DMKN: variants seen among roughly 807,000 people sequenced by gnomAD.
DMKN encodes the protein epidermis-specific secreted protein SK30/SK89.
DMKN carries 58 observed loss-of-function variants against 67.6 expected under a neutral mutation model. That is an observed-to-expected ratio of 0.86 (90% CI 0.69 to 1.07). DMKN has a LOEUF of 1.07. DMKN is among the 50% of genes least tolerant of loss of function. The pLI, the probability that DMKN is intolerant of heterozygous loss-of-function variation, is 0.00. For missense variants in DMKN, 596 were observed against 601.5 expected (o/e 0.99, Z 0.10); for synonymous variants, 240 against 232.3 (o/e 1.03, Z -0.30).
At chr19:35,507,670 T>G in intron 7 of DMKN, 1 of 627,488 alleles carries the variant, frequency 1.6e-6, no homozygotes, top group South Asian at 2.0e-5. Context: ...GAGGTCCTTC[T>G]CTCGGGGAAG....
At chr19:35,508,244 C>T (rs767341480) in intron 7 of DMKN, 37 of 1,551,950 alleles carry the variant, frequency 2.4e-5, no homozygotes, top group African/African-American at 1.5e-4. Flanking sequence ...TGAAGCCCTG[C>T]AGGGTGAGAC....
chr19:35,500,215 C>T (rs1306176557), intron 12 of DMKN, 186 bp from the exon 13 acceptor site: 2 of 1,210,792 alleles, frequency 1.7e-6, no homozygotes, highest in African/African-American at 1.5e-5. Flanking sequence ...CCTCACCTGC[C>T]TTTACTGTCC....
chr19:35,506,215 A>G, intron 7 of DMKN: 1 of 1,482,392 alleles, frequency 6.7e-7, no homozygotes, highest in African/African-American at 1.4e-5. Context: ...ACCGATGTCC[A>G]AGGCTTATGC....
Position 35,513,138 on chromosome 19 carries a change from A to G in DMKN, c.338T>C (p.Ile113Thr), listed in dbSNP as rs2071088462. Residue 113 changes from isoleucine to threonine, a missense_variant, in exon 1 of 16, where the codon ATT becomes ACT. Transcript: ENST00000339686. ...AATGACATCTTCTGCCTGTCTGCCAATCTCGTGCCCAGTGTTTCCCAGAGC... is the reference window on the plus strand; with the variant it reads ...AATGACATCTTCTGCCTGTCTGCCAGTCTCGTGCCCAGTGTTTCCCAGAGC... ...AHALGNTGHE[I>T]GRQAEDVIRH... The G allele has an allele frequency of 5.6e-6, 9 of 1,614,058 alleles. No homozygotes were observed. The highest frequency in any genetic ancestry group is 1.3e-5 in the African/African-American group (1 of 74,998).
chr19:35,501,543 C>A (rs1156830760), intron 11 of DMKN, among the ~76,000 whole-genome samples: 1 of 152,186 alleles, frequency 6.6e-6, no homozygotes, highest in Non-Finnish European at 1.5e-5. Context: ...CACGTAGACA[C>A]GGGAGCAGGC....
At chr19:35,506,226 T>C in intron 7 of DMKN, 1 of 1,464,580 alleles carries the variant, frequency 6.8e-7, no homozygotes. Flanking sequence ...AGGCTTATGC[T>C]TCCTATCATG....
At chr19:35,500,303 T>C in intron 12 of DMKN, 1 of 1,517,746 alleles carries the variant, frequency 6.6e-7, no homozygotes, top group African/African-American at 1.4e-5. Context: ...CAAGTGTTAC[T>C]TGGGAGGTGA....
intron 9 of DMKN, among the ~76,000 whole-genome samples, chr19:35,503,768 G>C (rs183011372): frequency 6.6e-6 from 1 of 152,060 alleles, no homozygotes; most frequent in African/African-American, 2.4e-5. Context: ...GAGCCACCGC[G>C]CCTGGCCAGA....
At chr19:35,502,056 T>G (rs1418345813) in intron 11 of DMKN, 80 bp downstream of exon 11, 2 of 1,607,464 alleles carry the variant, frequency 1.2e-6, no homozygotes, top group Non-Finnish European at 1.7e-6. Flanking sequence ...GGGAAGAAAC[T>G]GGGACAGACA....
At chr19:35,501,744 G>C in intron 11 of DMKN, 1 of 1,414,734 alleles carries the variant, frequency 7.1e-7, no homozygotes, top group Non-Finnish European at 9.5e-7. Context: ...CACCTCAGCT[G>C]TCCTCCCCAT....
chr19:35,508,054 G>T, intron 7 of DMKN: 2 of 995,270 alleles, frequency 2.0e-6, no homozygotes, highest in Non-Finnish European at 3.0e-6. Context: ...AACATGGCCA[G>T]ACCCATCAGT....
chr19:35,505,115 C>A (rs2069198143), intron 9 of DMKN, among the ~76,000 whole-genome samples: 1 of 152,084 alleles, frequency 6.6e-6, no homozygotes, highest in Admixed American at 6.6e-5. Flanking sequence ...GGGTTGTCCA[C>A]CTGTCCTTCC....
rs1484532502 is a variant in DMKN, at chr19:35,503,243, C to T, written c.1135-357G>A. 3 of 1,454,854 alleles carry T rather than the reference C, an allele frequency of 2.1e-6. No homozygotes were observed. In the African/African-American group the frequency reaches 4.3e-5, roughly 21 times the overall value. The allele number at this position is 1,454,854 out of a possible 1,614,324, so 90.1% of individuals were successfully genotyped here. On this transcript the variant is annotated intron_variant, in intron 9 of 15. Transcript: ENST00000339686. ...TTTCCCGAAGCTGTGGGGCTGCAGC[C>T]ACCCCTTCCACACCACCCTGGATAA...
chr19:35,512,938 C>T (rs901242954), intron 1 of DMKN, 112 bp downstream of exon 1: 4 of 1,537,674 alleles, frequency 2.6e-6, no homozygotes, highest in Non-Finnish European at 2.6e-6. Context: ...AAGGAAGCTG[C>T]CCCAGAAGCC....
intron 9 of DMKN, 127 bp from the exon 10 acceptor site, chr19:35,503,013 TGA>T (rs2068694715): frequency 2.6e-6 from 3 of 1,145,694 alleles, no homozygotes; most frequent in Non-Finnish European, 3.7e-6. Flanking sequence ...TGGGAGGAGC[TGA>T]GAGTCTTTAG....
At chr19:35,507,251 G>A (rs1385095397) in intron 7 of DMKN, 16 of 496,598 alleles carry the variant, frequency 3.2e-5, no homozygotes, top group East Asian at 2.2e-4. Context: ...ACATGGCTCC[G>A]ATCCAAATCA....
At chr19:35,504,760 A>G (rs1304955588) in intron 9 of DMKN, among the ~76,000 whole-genome samples, 1 of 152,078 alleles carries the variant, frequency 6.6e-6, no homozygotes, top group Non-Finnish European at 1.5e-5. Context: ...ATTAAAGGCC[A>G]GAAACTCCAC....
In DMKN at chr19:35,509,894, G is replaced by A. The variant is rs570697438; in HGVS notation, c.1038+17C>T. ...GAACTGCAGTCCCCAGGAGACTTAA[G>A]AGACTTTGGCTCTCACCTGAATCCC... is the stretch of plus-strand genomic sequence containing the variant. On this transcript the variant is annotated intron_variant, in intron 7 of 15. Coordinates refer to ENST00000339686, the MANE Select transcript of DMKN (RefSeq NM_033317.5). 3.7e-5 allele frequency: 59 copies of A among 1,614,060 alleles called. 1 individual carries two copies. In the South Asian group the frequency reaches 6.0e-4, roughly 17 times the overall value.
At chr19:35,512,510 A>G in intron 2 of DMKN, 33 bp from the exon 3 acceptor site, 1 of 1,614,140 alleles carries the variant, frequency 6.2e-7, no homozygotes. Flanking sequence ...AGTAGGATCC[A>G]GAGGGACCAG....
Sources: gnomAD v4.1 joint callset for allele counts (sites outside exome capture counted in the v4.1 genomes callset) on GRCh38, gnomAD v4.1.1 for gene constraint, MANE v1.5 for transcripts, NCBI Gene and HGNC (gene_info 2026-07-23, HGNC 2026-07-21) for gene names.